Variants in PACRGL observed in about 807,000 individuals in gnomAD.
The protein encoded by PACRGL is parkin coregulated like, also known as PACRG-like protein.
Under a neutral mutation model 34.5 loss-of-function variants are expected in PACRGL, and 38 were observed. The observed-to-expected ratio is 1.10, with a 90% CI of 0.85 to 1.44. PACRGL has a LOEUF of 1.44. Among genes scored for constraint, PACRGL ranks in the 40% most tolerant of loss-of-function variants. The pLI is 0.00. For missense variants in PACRGL, 305 were observed against 281.4 expected (o/e 1.08, Z -0.60); for synonymous variants, 128 against 100.1 (o/e 1.28, Z -1.66).
chr4:20,711,343 T>C (rs139462782), intron 5 of PACRGL, among the ~76,000 whole-genome samples: 1 of 152,280 alleles, frequency 6.6e-6, no homozygotes, highest in African/African-American at 2.4e-5. Flanking sequence ...ATTGAGTAGA[T>C]TTTTATCTTT....
At chr4:20,748,700 A>G (rs1269891381) in intron 8 of PACRGL, among the ~76,000 whole-genome samples, 1 of 149,110 alleles carries the variant, frequency 6.7e-6, no homozygotes, top group Admixed American at 6.8e-5. Context: ...AGCACAACCC[A>G]ATCAGAATGT....
intron 1 of PACRGL, among the ~76,000 whole-genome samples, chr4:20,703,366 A>G (rs1200960038): frequency 3.3e-5 from 5 of 152,212 alleles, no homozygotes; most frequent in African/African-American, 1.2e-4. Flanking sequence ...GACACAGGAT[A>G]GAAATCAATG....
chr4:20,701,891 G>C (rs1288840569), intron 1 of PACRGL: 1 of 456,334 alleles, frequency 2.2e-6, no homozygotes, highest in South Asian at 1.5e-5. Flanking sequence ...TAAGGTAAAG[G>C]ATAAAAATTT....
At chr4:20,711,028 A>C (rs1736906506) in intron 5 of PACRGL, among the ~76,000 whole-genome samples, 1 of 152,086 alleles carries the variant, frequency 6.6e-6, no homozygotes, top group Non-Finnish European at 1.5e-5. Context: ...TCTCTACAAA[A>C]AAGAAAAAAA....
chr4:20,742,154 G>A (rs969067288), intron 8 of PACRGL, among the ~76,000 whole-genome samples: 1 of 152,128 alleles, frequency 6.6e-6, no homozygotes, highest in Admixed American at 6.5e-5. Flanking sequence ...AAGAGGAGCT[G>A]GTACCATTTC....
At chr4:20,744,508 A>G (rs1264691369) in intron 8 of PACRGL, among the ~76,000 whole-genome samples, 4 of 152,138 alleles carry the variant, frequency 2.6e-5, no homozygotes, top group South Asian at 2.1e-4. Context: ...TCAGCAAACT[A>G]TCGCAAGGAC....
intron 8 of PACRGL, among the ~76,000 whole-genome samples, chr4:20,746,163 G>A (rs574698431): frequency 2.0e-5 from 3 of 152,196 alleles, no homozygotes; most frequent in Non-Finnish European, 4.4e-5. Context: ...TAAAGAAAAC[G>A]TGGCACATAT....
In PACRGL at chr4:20,704,532, A is replaced by G. The variant is rs1187885894; in HGVS notation, c.51A>G (p.Thr17=). ...SGGTQLKNRA[T]GNYDQRTSSS... Reference sequence around the variant, plus strand: ...GTACACAGTTGAAAAACAGAGCAACAGGTACAGAGCTTTTGTTTTTAAGTG... The same window carrying G: ...GTACACAGTTGAAAAACAGAGCAACGGGTACAGAGCTTTTGTTTTTAAGTG... Residue 17 remains threonine, a splice_region_variant and synonymous_variant, in exon 2 of 9, where the codon ACA becomes ACG. Transcript: ENST00000503585. 2 of 1,613,862 alleles carry G rather than the reference A, an allele frequency of 1.2e-6. No individual in the cohort carries two copies. The highest frequency in any genetic ancestry group is 2.2e-5 in the East Asian group (1 of 44,872).
intron 3 of PACRGL, 50 bp downstream of exon 3, chr4:20,704,864 C>T (rs1490300452): frequency 1.3e-6 from 2 of 1,585,488 alleles, no homozygotes; most frequent in Non-Finnish European, 1.7e-6. Context: ...AGGCATTTCG[C>T]ACAGTATTGA....
rs1471878626 is a variant in PACRGL at position 20,730,274 on chromosome 4, A to C, written c.*2933A>C. On this transcript the variant is annotated 3_prime_UTR_variant, in exon 9 of 9. Coordinates refer to ENST00000503585, the MANE Select transcript of PACRGL (RefSeq NM_001258345.3). ...AAATATTAAGTGTTTGCAAATGTAA[A>C]TGCCATTCTATTCTATCCATTTTCC... 1.3e-5 allele frequency: 13 copies of C among 1,019,998 alleles called. No individual in the cohort carries two copies. The highest frequency in any genetic ancestry group is 4.9e-5 in the African/African-American group (3 of 60,772). 63.2% of individuals were successfully genotyped at this position (1,019,998 alleles called of 1,614,324 possible).
chr4:20,766,149 AGAT>A, the PACRGL span, among the ~76,000 whole-genome samples: 1 of 152,212 alleles, frequency 6.6e-6, no homozygotes, highest in Non-Finnish European at 1.5e-5. Flanking sequence ...GGGAATAGAA[AGAT>A]GTTAGTATTA....
downstream of PACRGL, chr4:20,732,768 C>T: frequency 6.2e-7 from 1 of 1,605,818 alleles, no homozygotes; most frequent in Non-Finnish European, 8.5e-7. Context: ...ATATTGCTTT[C>T]ATTATATCAA....
chr4:20,709,317 T>C (rs950602150), intron 4 of PACRGL, among the ~76,000 whole-genome samples: 2 of 152,210 alleles, frequency 1.3e-5, no homozygotes, highest in South Asian at 2.1e-4. Context: ...AAAAACAATG[T>C]TCCTTGTGAA....
intron 8 of PACRGL, among the ~76,000 whole-genome samples, chr4:20,742,363 TC>T (rs753758961): frequency 2.0e-4 from 31 of 152,132 alleles, no homozygotes; most frequent in Non-Finnish European, 3.2e-4. Flanking sequence ...AAAAAGCTTA[TC>T]CACCACTATC....
In PACRGL at chr4:20,728,601, G is replaced by C. The variant is rs554506093; in HGVS notation, c.*1260G>C. 6.6e-6 allele frequency: 1 copy of C among 152,662 alleles called. No homozygotes were observed. The highest frequency in any genetic ancestry group is 1.9e-4 in the East Asian group (1 of 5,184). 9.5% of individuals were successfully genotyped at this position (152,662 alleles called of 1,614,324 possible). Reference sequence around the variant, plus strand: ...TTTCTTGGAAAAGACCTGTAACATAGACAGTAGAGTTATAAACATTTTATT... The same window carrying C: ...TTTCTTGGAAAAGACCTGTAACATACACAGTAGAGTTATAAACATTTTATT... On this transcript the variant is annotated 3_prime_UTR_variant, in exon 9 of 9. Coordinates refer to ENST00000503585, the MANE Select transcript of PACRGL (RefSeq NM_001258345.3).
the PACRGL span, among the ~76,000 whole-genome samples, chr4:20,760,846 C>T: frequency 1.3e-5 from 2 of 152,110 alleles, no homozygotes; most frequent in Admixed American, 6.6e-5. Context: ...AACAAATGAG[C>T]AAGCAAGCAA....
intron 7 of PACRGL, among the ~76,000 whole-genome samples, chr4:20,724,142 T>A (rs958257694): frequency 2.6e-5 from 4 of 152,216 alleles, no homozygotes; most frequent in Non-Finnish European, 5.9e-5. Flanking sequence ...TGCAAATGTA[T>A]GGGACTTTAA....
chr4:20,714,325 G>A (rs1738747181), intron 7 of PACRGL, among the ~76,000 whole-genome samples: 1 of 152,002 alleles, frequency 6.6e-6, no homozygotes, highest in South Asian at 2.1e-4. Context: ...TGCAACCCCT[G>A]CCTTTTTTTG....
At chr4:20,720,751 C>G (rs1218955940) in intron 7 of PACRGL, among the ~76,000 whole-genome samples, 2 of 152,022 alleles carry the variant, frequency 1.3e-5, no homozygotes, top group African/African-American at 4.8e-5. Context: ...TCTGGCTGCC[C>G]TTAATATTTT....
Sources: allele counts gnomAD v4.1 joint callset (sites outside exome capture counted in the v4.1 genomes callset), GRCh38; gene constraint gnomAD v4.1.1; transcripts MANE v1.5; gene names NCBI Gene and HGNC (gene_info 2026-07-23, HGNC 2026-07-21).